Variants in LARP4B observed in about 807,000 individuals in gnomAD.
LARP4B encodes the protein la-related protein 4B.
In LARP4B, 12 loss-of-function variants were observed where a neutral mutation model predicts 89.8. That is an observed-to-expected ratio of 0.13 (90% CI 0.09 to 0.22). LARP4B has a LOEUF of 0.22. LARP4B is among the 10% of genes least tolerant of loss of function. The pLI is 1.00. For synonymous variants in LARP4B, 367 were observed against 363.3 expected, an observed-to-expected ratio of 1.01 and a Z score of -0.12; for missense variants, 757 against 947.7, an observed-to-expected ratio of 0.80 and a Z score of 2.64.
chr10:931,232 C>A (rs1466537414), intron 1 of LARP4B, among the ~76,000 whole-genome samples, 196 bp downstream of exon 1: 1 of 150,052 alleles, frequency 6.7e-6, no homozygotes, highest in African/African-American at 2.4e-5. Context: ...CAGCCCTGGC[C>A]CTTCCCGTGC....
At chr10:861,619 T>C (rs528492343) in intron 5 of LARP4B, among the ~76,000 whole-genome samples, 1 of 152,264 alleles carries the variant, frequency 6.6e-6, no homozygotes, top group Admixed American at 6.5e-5. Context: ...CTATCTTCTA[T>C]CTTCAGATAG....
At chr10:840,730 G>T (rs937098964) in intron 7 of LARP4B, among the ~76,000 whole-genome samples, 12 of 152,186 alleles carry the variant, frequency 7.9e-5, no homozygotes, top group Non-Finnish European at 1.3e-4. Flanking sequence ...TAACACAAGA[G>T]CTGCACTATT....
chr10:836,588 A>G (rs1833232424), intron 7 of LARP4B, 82 bp from the exon 8 acceptor site: 2 of 843,880 alleles, frequency 2.4e-6, no homozygotes, highest in Non-Finnish European at 3.8e-6. Context: ...TTATATTACT[A>G]TATTACTAAA....
intron 1 of LARP4B, among the ~76,000 whole-genome samples, chr10:914,829 C>CCAAA (rs1418822881): frequency 9.9e-6 from 1 of 100,506 alleles, no homozygotes. Context: ...CACCCCCCAG[C>CCAAA]AAAGAAAAAA....
rs1345859647 is a variant in LARP4B at position 833,284 on chromosome 10, AC to A, written c.751-2308del. Reference sequence around the variant, plus strand: ...AAAAAAAAAAAAAAAAAAAAAAAAAACCTCAAAATGTTTGAAGAAAGTTTAC... The same window carrying A: ...AAAAAAAAAAAAAAAAAAAAAAAAAACTCAAAATGTTTGAAGAAAGTTTAC... On this transcript the variant is annotated intron_variant, in intron 8 of 17. Coordinates refer to ENST00000316157, the MANE Select transcript of LARP4B (RefSeq NM_015155.3). Among the ~76,000 whole-genome samples the A allele has an allele frequency of 3.2e-3, 426 of 133,208 alleles. 2 individuals carry two copies. Among genetic ancestry groups the A allele is most frequent in the Non-Finnish European group, 5.5e-3 (336 of 60,972 alleles). The allele number at this position is 133,208 out of a possible 152,430, so 87.4% of individuals were successfully genotyped here.
At chr10:871,726 C>T (rs993307438) in intron 3 of LARP4B, among the ~76,000 whole-genome samples, 1 of 152,114 alleles carries the variant, frequency 6.6e-6, no homozygotes, top group African/African-American at 2.4e-5. Flanking sequence ...CTGAGAGACA[C>T]CCACTTCCAA....
the LARP4B span, among the ~76,000 whole-genome samples, chr10:965,631 GA>G: frequency 6.6e-6 from 1 of 151,946 alleles, no homozygotes; most frequent in African/African-American, 2.4e-5. Flanking sequence ...ACCAGGTGCT[GA>G]TTAGTTACAT....
chr10:829,311 G>T, intron 11 of LARP4B, 74 bp downstream of exon 11: 1 of 1,266,786 alleles, frequency 7.9e-7, no homozygotes, highest in Non-Finnish European at 1.1e-6. Flanking sequence ...CTTCCTATTA[G>T]ATGAGGATTT....
chr10:879,265 G>A (rs561349623), intron 3 of LARP4B, among the ~76,000 whole-genome samples: 2 of 152,294 alleles, frequency 1.3e-5, no homozygotes, highest in East Asian at 1.9e-4. Context: ...GTCTCAGCAC[G>A]AATACATTCT....
chr10:908,525 G>A (rs748273348), intron 1 of LARP4B, among the ~76,000 whole-genome samples: 1 of 150,532 alleles, frequency 6.6e-6, no homozygotes, highest in Non-Finnish European at 1.5e-5. Context: ...TTGTAGGGAT[G>A]AGCCCTCATT....
At chr10:899,028 C>G (rs538812174) in intron 1 of LARP4B, among the ~76,000 whole-genome samples, 16 of 152,298 alleles carry the variant, frequency 1.1e-4, no homozygotes, top group African/African-American at 3.8e-4. Context: ...TCCTTCTTCC[C>G]TTTTACAGTA....
At chr10:848,502 T>A (rs1057036535) in intron 5 of LARP4B, among the ~76,000 whole-genome samples, 2 of 151,218 alleles carry the variant, frequency 1.3e-5, no homozygotes, top group Non-Finnish European at 2.9e-5. Context: ...CTGAAAAGGA[T>A]GTTAAAAGTT....
At chr10:853,842 A>AAGACAAC (rs1227464483) in intron 5 of LARP4B, among the ~76,000 whole-genome samples, 1 of 152,170 alleles carries the variant, frequency 6.6e-6, no homozygotes, top group Non-Finnish European at 1.5e-5. Flanking sequence ...GCAATTTCTT[A>AAGACAAC]AGACAACAGC....
At chr10:927,796 G>A (rs766852445) in intron 1 of LARP4B, among the ~76,000 whole-genome samples, 21 of 152,188 alleles carry the variant, frequency 1.4e-4, no homozygotes, top group Non-Finnish European at 2.4e-4. Flanking sequence ...TGAGAATTTT[G>A]TAGAAGAAAT....
intron 5 of LARP4B, among the ~76,000 whole-genome samples, chr10:858,208 C>G (rs1834405605): frequency 6.6e-6 from 1 of 152,110 alleles, no homozygotes; most frequent in South Asian, 2.1e-4. Flanking sequence ...ACACACAGCC[C>G]AATGCAACAG....
the LARP4B span, among the ~76,000 whole-genome samples, chr10:938,281 C>T: frequency 2.1e-4 from 26 of 123,020 alleles, no homozygotes; most frequent in African/African-American, 4.0e-4. Context: ...GACGGAGTCT[C>T]GCTCTGTCAC....
intron 3 of LARP4B, among the ~76,000 whole-genome samples, chr10:876,706 C>T (rs1835466516): frequency 6.8e-6 from 1 of 147,402 alleles, no homozygotes; most frequent in Non-Finnish European, 1.5e-5. Context: ...GGCTCCCAGG[C>T]CACTCCCATG....
At chr10:859,251 C>T (rs1420732829) in intron 5 of LARP4B, among the ~76,000 whole-genome samples, 1 of 147,962 alleles carries the variant, frequency 6.8e-6, no homozygotes, top group Non-Finnish European at 1.5e-5. Flanking sequence ...TGCACTCCAG[C>T]CTGGGCAACA....
At chr10:958,404 T>C in the LARP4B span, among the ~76,000 whole-genome samples, 1 of 152,246 alleles carries the variant, frequency 6.6e-6, no homozygotes, top group Admixed American at 6.5e-5. Flanking sequence ...CTACCTCTCC[T>C]GATGTTCTTC....
Sources: gnomAD v4.1 joint callset for allele counts (sites outside exome capture counted in the v4.1 genomes callset) on GRCh38, gnomAD v4.1.1 for gene constraint, MANE v1.5 for transcripts, NCBI Gene and HGNC (gene_info 2026-07-23, HGNC 2026-07-21) for gene names.